C1QTNF3: variants seen among roughly 807,000 people sequenced by gnomAD.
C1QTNF3 encodes complement C1q tumor necrosis factor-related protein 3.
A neutral mutation model predicts 32.6 loss-of-function variants in C1QTNF3; 26 were observed. That is an observed-to-expected ratio of 0.80 (90% CI 0.58 to 1.11). The LOEUF (loss-of-function observed/expected upper bound fraction) is 1.11. Ranked by LOEUF, C1QTNF3 falls within the 50% of genes least tolerant of loss-of-function variation. C1QTNF3 has a pLI of 0.00. For synonymous variants in C1QTNF3, 155 were observed against 146.0 expected, an observed-to-expected ratio of 1.06 and a Z score of -0.44; for missense variants, 362 against 398.2, an observed-to-expected ratio of 0.91 and a Z score of 0.77.
chr5:34,085,958 T>C, the C1QTNF3 span, among the ~76,000 whole-genome samples: 1 of 150,648 alleles, frequency 6.6e-6, no homozygotes, highest in Non-Finnish European at 1.5e-5. Context: ...CAAAGGATTA[T>C]AAATCATTCT....
chr5:34,156,030 G>A, the C1QTNF3 span, among the ~76,000 whole-genome samples: 6 of 151,892 alleles, frequency 4.0e-5, no homozygotes, highest in Non-Finnish European at 5.9e-5. Flanking sequence ...GTGATGTCTC[G>A]ACTACACCAT....
chr5:34,160,408 TTC>T, the C1QTNF3 span, among the ~76,000 whole-genome samples: 2 of 152,202 alleles, frequency 1.3e-5, no homozygotes, highest in African/African-American at 4.8e-5. Flanking sequence ...TTCATATACA[TTC>T]TCTCTACATA....
At chr5:34,041,044 T>G (rs1198523407) in intron 1 of C1QTNF3, among the ~76,000 whole-genome samples, 1 of 152,194 alleles carries the variant, frequency 6.6e-6, no homozygotes, top group Non-Finnish European at 1.5e-5. Context: ...TATCTTTATA[T>G]ATCCCTGGCC....
chr5:34,121,879 C>G, the C1QTNF3 span, among the ~76,000 whole-genome samples: 18,044 of 152,066 alleles, frequency 0.12, 1,374 homozygotes, highest in East Asian at 0.28. Flanking sequence ...GAGACCTCCC[C>G]CTGAGCTGTT....
At chr5:34,132,907 AG>A in the C1QTNF3 span, among the ~76,000 whole-genome samples, 13 of 152,306 alleles carry the variant, frequency 8.5e-5, no homozygotes, top group Admixed American at 5.9e-4. Flanking sequence ...ACATTAATGA[AG>A]CCTAGTTATC....
intron 4 of C1QTNF3, among the ~76,000 whole-genome samples, chr5:34,027,814 T>G (rs1754505671): frequency 6.8e-6 from 1 of 148,132 alleles, no homozygotes; most frequent in African/African-American, 2.5e-5. Context: ...TATACTTTGG[T>G]ACATTCAGCT....
the C1QTNF3 span, among the ~76,000 whole-genome samples, chr5:34,128,358 G>A: frequency 6.6e-6 from 1 of 152,252 alleles, no homozygotes; most frequent in Non-Finnish European, 1.5e-5. Flanking sequence ...CAGGAGAAAT[G>A]TGGGGTTGGA....
chr5:34,231,927 T>C, the C1QTNF3 span, among the ~76,000 whole-genome samples: 2 of 141,050 alleles, frequency 1.4e-5, no homozygotes, highest in Non-Finnish European at 3.1e-5. Context: ...CACTGACAGC[T>C]TGCACAGTGT....
At chr5:34,046,275 C>G (rs1754984785), upstream of C1QTNF3, among the ~76,000 whole-genome samples, 1 of 152,184 alleles carries the variant, frequency 6.6e-6, no homozygotes, top group African/African-American at 2.4e-5. Flanking sequence ...CTGGTTTAGA[C>G]TCATGCCTGA....
intron 4 of C1QTNF3, among the ~76,000 whole-genome samples, chr5:34,024,665 A>G (rs544259976): frequency 6.6e-6 from 1 of 152,314 alleles, no homozygotes; most frequent in East Asian, 1.9e-4. Flanking sequence ...ACCAACATAT[A>G]TTTTAAAAGA....
the C1QTNF3 span, among the ~76,000 whole-genome samples, chr5:34,235,546 C>CT: frequency 0.033 from 3,470 of 103,906 alleles, 60 homozygotes; most frequent in African/African-American, 0.053. Context: ...ATTTCTTTTT[C>CT]TTTTTTTTTT....
chr5:34,100,606 AAAGT>A, the C1QTNF3 span, among the ~76,000 whole-genome samples: 674 of 150,282 alleles, frequency 4.5e-3, 3 homozygotes, highest in Non-Finnish European at 7.2e-3. Flanking sequence ...GTTTTATGTT[AAAGT>A]AATTATTCTT....
chr5:34,119,765 T>C, the C1QTNF3 span, among the ~76,000 whole-genome samples: 3 of 152,198 alleles, frequency 2.0e-5, no homozygotes, highest in Non-Finnish European at 2.9e-5. Context: ...TTTCTCACAT[T>C]GCGCATCACT....
the C1QTNF3 span, among the ~76,000 whole-genome samples, chr5:34,220,345 A>G: frequency 6.6e-6 from 1 of 152,084 alleles, no homozygotes; most frequent in Non-Finnish European, 1.5e-5. Flanking sequence ...ATTTTATTGT[A>G]AGACTATTTA....
intron 5 of C1QTNF3, among the ~76,000 whole-genome samples, chr5:34,021,085 T>C (rs891336062): frequency 6.6e-5 from 10 of 152,208 alleles, no homozygotes; most frequent in Admixed American, 1.3e-4. Flanking sequence ...GGCTGTTTGA[T>C]GAGAAGGAAA....
chr5:34,052,984 A>C, the C1QTNF3 span, among the ~76,000 whole-genome samples: 1 of 152,160 alleles, frequency 6.6e-6, no homozygotes, highest in Non-Finnish European at 1.5e-5. Context: ...TAAGTTTGGG[A>C]GGCTTCTGCA....
At chr5:34,197,586 C>G in the C1QTNF3 span, among the ~76,000 whole-genome samples, 5 of 151,936 alleles carry the variant, frequency 3.3e-5, no homozygotes, top group African/African-American at 9.7e-5. Context: ...ATGTATGACA[C>G]AATTTATAGA....
At chr5:34,234,432 T>A in the C1QTNF3 span, among the ~76,000 whole-genome samples, 1 of 152,172 alleles carries the variant, frequency 6.6e-6, no homozygotes, top group Non-Finnish European at 1.5e-5. Flanking sequence ...TCTTTATATA[T>A]GAAAAATTCA....
chr5:34,054,108 G>A, the C1QTNF3 span, among the ~76,000 whole-genome samples: 1 of 152,186 alleles, frequency 6.6e-6, no homozygotes, highest in African/African-American at 2.4e-5. Flanking sequence ...CTGCCCAGAA[G>A]GATGGCTTTC....
Sources: allele counts gnomAD v4.1 joint callset (sites outside exome capture counted in the v4.1 genomes callset), GRCh38; gene constraint gnomAD v4.1.1; transcripts MANE v1.5; gene names NCBI Gene and HGNC (gene_info 2026-07-23, HGNC 2026-07-21).